Variants in KAT6B observed in about 807,000 individuals in gnomAD.
KAT6B encodes the protein lysine acetyltransferase 6B.
KAT6B carries 10 observed loss-of-function variants against 187.5 expected under a neutral mutation model. That is an observed-to-expected ratio of 0.05 (90% CI 0.03 to 0.09). The LOEUF (loss-of-function observed/expected upper bound fraction) is 0.09. Ranked by LOEUF, KAT6B falls within the 10% of genes least tolerant of loss-of-function variation. KAT6B has a pLI of 1.00. For missense variants in KAT6B, 1,952 were observed against 2,558.9 expected, an observed-to-expected ratio of 0.76 and a Z score of 5.12; for synonymous variants, 861 against 926.8, an observed-to-expected ratio of 0.93 and a Z score of 1.29.
chr10:74,896,733 T>C (rs1846020703), intron 3 of KAT6B, among the ~76,000 whole-genome samples: 1 of 152,268 alleles, frequency 6.6e-6, no homozygotes, highest in South Asian at 2.1e-4. Context: ...CAGCTAATTG[T>C]AGATTTTATG....
intron 10 of KAT6B, among the ~76,000 whole-genome samples, chr10:74,980,829 A>G (rs1324674605): frequency 1.3e-5 from 2 of 152,220 alleles, no homozygotes. Flanking sequence ...GTAACAGTGG[A>G]ATTGGTAGAA....
At chr10:74,848,587 T>C (rs890747456) in intron 3 of KAT6B, among the ~76,000 whole-genome samples, 1 of 151,892 alleles carries the variant, frequency 6.6e-6, no homozygotes, top group Admixed American at 6.6e-5. Context: ...TCACTAGCTA[T>C]TGTTAGTGTA....
intron 3 of KAT6B, among the ~76,000 whole-genome samples, chr10:74,947,398 G>A (rs1840028044): frequency 1.3e-5 from 2 of 152,218 alleles, no homozygotes; most frequent in Admixed American, 1.3e-4. Context: ...ATAACCGTGT[G>A]CTGTTCTATT....
At chr10:74,895,980 T>TG (rs1161398607) in intron 3 of KAT6B, among the ~76,000 whole-genome samples, 1 of 152,148 alleles carries the variant, frequency 6.6e-6, no homozygotes, top group African/African-American at 2.4e-5. Flanking sequence ...GCCTGAAATA[T>TG]GGGATATGTA....
chr10:74,906,928 A>AT (rs1156671348), intron 3 of KAT6B, among the ~76,000 whole-genome samples: 1 of 152,166 alleles, frequency 6.6e-6, no homozygotes, highest in South Asian at 2.1e-4. Context: ...AAGTCCCCAC[A>AT]TGCCAGTGAC....
chr10:75,004,048 G>A (rs1040258535), intron 13 of KAT6B, among the ~76,000 whole-genome samples: 1 of 151,094 alleles, frequency 6.6e-6, no homozygotes, highest in African/African-American at 2.4e-5. Flanking sequence ...TGGCATGCAG[G>A]TGGTTGGTTT....
At chr10:74,949,875 T>C (rs1457811156) in intron 3 of KAT6B, among the ~76,000 whole-genome samples, 2 of 152,244 alleles carry the variant, frequency 1.3e-5, no homozygotes, top group African/African-American at 4.8e-5. Context: ...ATTTTCCTGC[T>C]TCCTTACTGT....
intron 3 of KAT6B, among the ~76,000 whole-genome samples, chr10:74,851,187 A>G (rs1003252812): frequency 6.6e-6 from 1 of 151,814 alleles, no homozygotes; most frequent in South Asian, 2.1e-4. Context: ...GGCTCACTGC[A>G]GCTGCCGCCT....
intron 13 of KAT6B, among the ~76,000 whole-genome samples, chr10:75,000,597 C>T (rs2133963876): frequency 6.6e-6 from 1 of 152,184 alleles, no homozygotes; most frequent in African/African-American, 2.4e-5. Context: ...ACCAGATAAA[C>T]TTGCCATTAA....
chr10:74,825,471 G>C (rs2131858378), upstream of KAT6B: 1 of 152,190 alleles, frequency 6.6e-6, no homozygotes, highest in South Asian at 1.8e-4. The surrounding 1 kb of genome is among the most constrained non-coding windows in gnomAD (Gnocchi z 5.0). Flanking sequence ...CGCTGCCTCG[G>C]GCTCTGTGCG....
intron 1 of KAT6B, among the ~76,000 whole-genome samples, chr10:74,833,569 G>T (rs887153270): frequency 1.3e-5 from 2 of 152,146 alleles, no homozygotes; most frequent in Non-Finnish European, 2.9e-5. Context: ...TTATGATGAT[G>T]ATGTTGAAAC....
chr10:75,020,208 G>A (rs1462695328), intron 13 of KAT6B, among the ~76,000 whole-genome samples: 2 of 152,212 alleles, frequency 1.3e-5, no homozygotes, highest in Non-Finnish European at 2.9e-5. Context: ...CCCTCGACAG[G>A]ATTTCTGAGT....
At chr10:74,966,429 C>T (rs571610873) in intron 4 of KAT6B, among the ~76,000 whole-genome samples, 3 of 152,292 alleles carry the variant, frequency 2.0e-5, no homozygotes, top group African/African-American at 7.2e-5. Context: ...ATGGCTGGGG[C>T]GCTGCTGTTG....
At position 75,022,179 on chromosome 10, in the gene KAT6B, A is replaced by C; in HGVS notation, c.3320A>C (p.Gln1107Pro). ...GAAGAAGAAGAAGAAGAAAATATTC[A>C]AAGCTCTCCCCCAAGATTGACGAAA... ...EEEEEEEENIQSSPPRLTKPQ... is the reference protein window; with the variant it reads ...EEEEEEEENIPSSPPRLTKPQ... The change falls in exon 16 of 18, where the codon CAA becomes CCA. Residue 1107 changes from glutamine to proline, a missense_variant. By Grantham distance (76) the Gln-to-Pro change is moderately conservative (BLOSUM62 -1). Coordinates refer to ENST00000287239, the MANE Select transcript of KAT6B (RefSeq NM_012330.4). 2 of 1,613,404 alleles carry C rather than the reference A, an allele frequency of 1.2e-6. No individual in the cohort carries two copies. The highest frequency in any genetic ancestry group is 1.7e-6 in the Non-Finnish European group (2 of 1,179,980).
At chr10:75,028,278 A>G (rs1846025940) in intron 17 of KAT6B, among the ~76,000 whole-genome samples, 1 of 152,198 alleles carries the variant, frequency 6.6e-6, no homozygotes, top group African/African-American at 2.4e-5. Flanking sequence ...TGTGTTCCCA[A>G]TATGTTACTC....
In KAT6B at chr10:74,975,595, A is replaced by T. The variant is rs139701493; in HGVS notation, c.1258A>T (p.Ile420Phe). The T allele has an allele frequency of 2.5e-6, 4 of 1,613,848 alleles. No homozygotes were observed. The highest frequency in any genetic ancestry group is 2.5e-6 in the Non-Finnish European group (3 of 1,180,004). The change falls in exon 8 of 18, where the codon ATT becomes TTT. Residue 420 changes from isoleucine (I) to phenylalanine (F), a missense_variant. Physicochemically the swap from Ile to Phe is conservative, Grantham distance 21. Around this residue, in one of 9 missense-constraint regions of KAT6B, gnomAD observed 417 missense variants for 508.9 expected, o/e 0.82. Coordinates refer to ENST00000287239, the MANE Select transcript of KAT6B (RefSeq NM_012330.4). ...TTKITTTSTY[I>F]SASTLKVNKK... is the part of the protein sequence containing the mutation. ...CAAAATCACCACCACCTCCACCTAC[A>T]TTTCTGCCTCTACACTTAAAGTTAA...
At chr10:74,828,802 T>C (rs1840496398) in intron 1 of KAT6B, among the ~76,000 whole-genome samples, 1 of 151,996 alleles carries the variant, frequency 6.6e-6, no homozygotes, top group African/African-American at 2.4e-5. Flanking sequence ...CTCTTGACCT[T>C]GTGATCTGCC....
At chr10:74,855,650 C>T (rs1795400305) in intron 3 of KAT6B, among the ~76,000 whole-genome samples, 2 of 152,144 alleles carry the variant, frequency 1.3e-5, no homozygotes, top group Admixed American at 1.3e-4. Context: ...TCCAGGTAGA[C>T]TCCTGGCAGT....
At chr10:74,961,641 T>C (rs778848032) in intron 4 of KAT6B, among the ~76,000 whole-genome samples, 4 of 152,168 alleles carry the variant, frequency 2.6e-5, no homozygotes, top group Non-Finnish European at 4.4e-5. Context: ...AACAGGTAGA[T>C]CTTAGATTTT....
Sources: allele counts gnomAD v4.1 joint callset (sites outside exome capture counted in the v4.1 genomes callset), GRCh38; gene constraint gnomAD v4.1.1; regional missense constraint gnomAD v4.1.1; non-coding constraint Gnocchi (gnomAD v3.1); transcripts MANE v1.5; gene names NCBI Gene and HGNC (gene_info 2026-07-23, HGNC 2026-07-21).